The following HERC1 variants were observed in gnomAD, a reference collection of about 807,000 sequenced individuals.
HERC1 encodes the protein HECT and RLD domain containing E3 ubiquitin protein ligase family member 1.
In HERC1, 160 loss-of-function variants were observed where a neutral mutation model predicts 554.3. That is an observed-to-expected ratio of 0.29 (90% CI 0.25 to 0.33). The LOEUF (loss-of-function observed/expected upper bound fraction) is 0.33, where lower values mean the gene tolerates loss of function less well. HERC1 is among the 10% of genes least tolerant of loss of function. HERC1 has a pLI of 1.00. For synonymous variants in HERC1, 2,175 were observed against 2,131.7 expected (o/e 1.02, Z -0.56); for missense variants, 4,919 against 5,918.5 (o/e 0.83, Z 5.54).
Position 63,612,164 on chromosome 15 carries a change from G to C in HERC1, c.14400+87C>G. On this transcript the variant is annotated intron_variant, in intron 77 of 77. Transcript: ENST00000443617. This position sits in a 1 kb window ranked among gnomAD's most constrained non-coding sequence, Gnocchi z 5.0. Reference sequence around the variant, plus strand: ...AATCATGCCACTGCACTCCAGCCTGGGCCACAGAGTGAGACCCTGTCTCAA... The same window carrying C: ...AATCATGCCACTGCACTCCAGCCTGCGCCACAGAGTGAGACCCTGTCTCAA... 1 of 1,219,770 alleles carries C rather than the reference G, an allele frequency of 8.2e-7. No individual in the cohort carries two copies. 75.6% of individuals were successfully genotyped at this position (1,219,770 alleles called of 1,614,324 possible).
At position 63,638,534 on chromosome 15, in the gene HERC1, G is replaced by C; in HGVS notation, c.11970C>G (p.Asp3990Glu). Residue 3990 changes from aspartate to glutamate, a missense_variant and splice_region_variant, in exon 63 of 78, where the codon GAC (aspartate) becomes GAG (glutamate). Asp to Glu is a conservative substitution (Grantham distance 45). Coordinates refer to ENST00000443617, the MANE Select transcript of HERC1 (RefSeq NM_003922.4). Reference protein sequence around the residue: ...IMSWATSRPEDWHLGGKCDVY... With the variant: ...IMSWATSRPEEWHLGGKCDVY... ...CATCACATTTACCTCCCAGGTGCCA[G>C]TCCTAGAAAACCACAATCATCTCAA... is the stretch of plus-strand genomic sequence containing the variant. 1 of 1,613,768 alleles carries C rather than the reference G, an allele frequency of 6.2e-7. No individual in the cohort carries two copies. Among genetic ancestry groups the C allele is most frequent in the East Asian group, 2.2e-5 (1 of 44,876 alleles).
At chr15:63,750,589 T>C (rs1176988256) in intron 8 of HERC1, among the ~76,000 whole-genome samples, 1 of 152,186 alleles carries the variant, frequency 6.6e-6, no homozygotes, top group Non-Finnish European at 1.5e-5. Flanking sequence ...TGTCTTGCAA[T>C]TATTTTAGGA....
intron 12 of HERC1, among the ~76,000 whole-genome samples, chr15:63,741,231 G>A (rs2074790721): frequency 6.6e-6 from 1 of 151,852 alleles, no homozygotes; most frequent in Non-Finnish European, 1.5e-5. Context: ...GTTTCACCAT[G>A]TTGGTCAGGC....
chr15:63,720,639 C>G (rs1446423322), intron 19 of HERC1, among the ~76,000 whole-genome samples: 1 of 152,030 alleles, frequency 6.6e-6, no homozygotes, highest in Non-Finnish European at 1.5e-5. Flanking sequence ...GACAAATATG[C>G]CAGATTTTAA....
At chr15:63,790,096 T>C (rs2076592687) in intron 1 of HERC1, among the ~76,000 whole-genome samples, 1 of 152,126 alleles carries the variant, frequency 6.6e-6, no homozygotes, top group South Asian at 2.1e-4. Flanking sequence ...ATCTGTAATA[T>C]AATGGATAAT....
intron 1 of HERC1, among the ~76,000 whole-genome samples, chr15:63,783,822 C>T (rs1177283675): frequency 6.6e-6 from 1 of 152,138 alleles, no homozygotes; most frequent in Non-Finnish European, 1.5e-5. Flanking sequence ...AATCCCAACA[C>T]TTTGGGAGGC....
chr15:63,783,336 C>G (rs902512983), intron 1 of HERC1, among the ~76,000 whole-genome samples: 3 of 152,038 alleles, frequency 2.0e-5, no homozygotes, highest in Non-Finnish European at 4.4e-5. Flanking sequence ...CCATTAACAT[C>G]AAGGCAAGAC....
chr15:63,786,523 GAATA>G (rs2143746856), intron 1 of HERC1, among the ~76,000 whole-genome samples: 1 of 151,850 alleles, frequency 6.6e-6, no homozygotes, highest in South Asian at 2.1e-4. Flanking sequence ...AGATATGAAT[GAATA>G]AACAAAATGT....
In HERC1 at chr15:63,655,880, A is replaced by G. The variant is rs2070005209; in HGVS notation, c.9946T>C (p.Phe3316Leu). The G allele has an allele frequency of 4.3e-6, 7 of 1,612,052 alleles. No homozygotes were observed. The African/African-American group carries it at 8.0e-5, about 18-fold the overall frequency. Residue 3316 changes from phenylalanine (F) to leucine (L), a missense_variant, in exon 50 of 78, where the codon TTT (phenylalanine) becomes CTT (leucine). This residue lies in a region of HERC1 where 1,963 missense variants were observed against 2,228.6 expected (regional missense o/e 0.88). Coordinates refer to ENST00000443617, the MANE Select transcript of HERC1 (RefSeq NM_003922.4). ...DSIQRKFLPS[F>L]LRGIAEENKL... ...TTCTCTTCAGCAATTCCTCGGAGAAAGCTGGGTAGAAACTTTCGCTGAATT... is the reference window on the plus strand; with the variant it reads ...TTCTCTTCAGCAATTCCTCGGAGAAGGCTGGGTAGAAACTTTCGCTGAATT...
chr15:63,689,700 CTGTT>C lies in HERC1; in HGVS notation c.5938-5_5938-2del. ...GAAGGGAAAATAAGCGCTCAACAAT[CTGTT>C]TTATTGAAGAAAAAAGGATAAAATT... is the stretch of plus-strand genomic sequence containing the variant. On this transcript the variant is annotated splice_acceptor_variant and splice_polypyrimidine_tract_variant and intron_variant, in intron 32 of 77. Transcript: ENST00000443617. LOFTEE classifies it high-confidence loss of function. The C allele has an allele frequency of 6.6e-7, 1 of 1,526,054 alleles. No homozygotes were observed. The highest frequency in any genetic ancestry group is 8.9e-7 in the Non-Finnish European group (1 of 1,126,076). 94.5% of individuals were successfully genotyped at this position (1,526,054 alleles called of 1,614,324 possible).
chr15:63,817,559 A>C (rs2077533475), intron 1 of HERC1, among the ~76,000 whole-genome samples: 1 of 152,200 alleles, frequency 6.6e-6, no homozygotes. Flanking sequence ...TACTAAAAAT[A>C]CAAAAATTAG....
Position 63,663,113 on chromosome 15 carries a change from A to G in HERC1, c.8772T>C (p.Phe2924=). 1.2e-6 allele frequency: 2 copies of G among 1,614,038 alleles called. No individual in the cohort carries two copies. Among genetic ancestry groups the G allele is most frequent in the Non-Finnish European group, 1.7e-6 (2 of 1,179,872 alleles). ...CAATTTCCAATTCCTCATCTAAATT[A>G]AAGTCATACAACGCCCCTGGGTCTT... ...LQQDPGALYD[F]NLDEELEIDL... Residue 2924 remains phenylalanine, a synonymous_variant, in exon 44 of 78, where the codon TTT becomes TTC. Coordinates refer to ENST00000443617, the MANE Select transcript of HERC1 (RefSeq NM_003922.4).
At position 63,622,811 on chromosome 15, in the gene HERC1, A is replaced by G. The variant is rs930415242; in HGVS notation, c.13688+4T>C. 3.8e-6 allele frequency: 6 copies of G among 1,595,564 alleles called. No homozygotes were observed. Among genetic ancestry groups the G allele is most frequent in the Non-Finnish European group, 3.4e-6 (4 of 1,170,614 alleles). The stretch of plus-strand genomic sequence containing the variant: ...ATATAATGAACACTTGCTGACTGCC[A>G]TACCTGTCCCTATTGTAACCCACTT... On this transcript the variant is annotated splice_donor_region_variant and intron_variant, in intron 74 of 77. Transcript: ENST00000443617.
Position 63,727,046 on chromosome 15 carries a change from G to C in HERC1, c.3346+601C>G, listed in dbSNP as rs2074072113. On this transcript the variant is annotated intron_variant, in intron 17 of 77. Transcript: ENST00000443617. This position sits in a 1 kb window ranked among gnomAD's most constrained non-coding sequence, Gnocchi z 4.3. ...TAATCCCAGCATTTTGGGAGGCTGAGGTGGGCGGATCACAAGGTCAGGAGT... is the reference window on the plus strand; with the variant it reads ...TAATCCCAGCATTTTGGGAGGCTGACGTGGGCGGATCACAAGGTCAGGAGT... 6.6e-6 allele frequency among the ~76,000 whole-genome samples: 1 copy of C among 152,006 alleles called. No individual in the cohort carries two copies. Among genetic ancestry groups the C allele is most frequent in the Non-Finnish European group, 1.5e-5 (1 of 68,028 alleles).
chr15:63,662,945 A>G, intron 44 of HERC1, 39 bp downstream of exon 44: 1 of 1,520,790 alleles, frequency 6.6e-7, no homozygotes, highest in Non-Finnish European at 9.1e-7. Flanking sequence ...GGAGGGCAGG[A>G]AAATAAGTCA....
intron 34 of HERC1, among the ~76,000 whole-genome samples, chr15:63,685,750 G>C (rs1167834128): frequency 6.6e-6 from 1 of 152,164 alleles, no homozygotes; most frequent in Non-Finnish European, 1.5e-5. Flanking sequence ...AAAAGAAGGA[G>C]TTAACACAAC....
intron 1 of HERC1, among the ~76,000 whole-genome samples, chr15:63,814,014 G>A (rs568994278): frequency 2.4e-4 from 36 of 152,160 alleles, no homozygotes; most frequent in Non-Finnish European, 4.1e-4. Flanking sequence ...AGCTGAGATC[G>A]CACCATTGCA....
In HERC1 at chr15:63,829,539, A is replaced by ATGTG. The variant is rs59909117; in HGVS notation, c.-27+4287_-27+4288insCACA. ...ATATAAATAATATGTGTGCACATAT[A>ATGTG]TGTATGTGTGTGTGTGTGTGTGTAT... On this transcript the variant is annotated intron_variant, in intron 1 of 77. Transcript: ENST00000443617. Among the ~76,000 whole-genome samples, 23 of 64,634 alleles carry ATGTG rather than the reference A, an allele frequency of 3.6e-4. No individual in the cohort carries two copies. The East Asian group carries it at 0.015, about 43-fold the overall frequency. The allele number at this position is 64,634 out of a possible 152,430, so 42.4% of individuals were successfully genotyped here. A position where few individuals can be genotyped will look rare whatever the true frequency, so the allele number is the denominator to read the frequency against.
At chr15:63,820,095 A>C (rs963106003) in intron 1 of HERC1, among the ~76,000 whole-genome samples, 1 of 152,232 alleles carries the variant, frequency 6.6e-6, no homozygotes, top group Non-Finnish European at 1.5e-5. Flanking sequence ...CATGTAGCAC[A>C]CAAGAAATAC....
Sources: allele counts gnomAD v4.1 joint callset (sites outside exome capture counted in the v4.1 genomes callset), GRCh38; gene constraint gnomAD v4.1.1; regional missense constraint gnomAD v4.1.1; non-coding constraint Gnocchi (gnomAD v3.1); transcripts MANE v1.5; gene names NCBI Gene and HGNC (gene_info 2026-07-23, HGNC 2026-07-21).